GYG2: variants seen among roughly 807,000 people sequenced by gnomAD.
The protein encoded by GYG2 is glycogenin-2.
GYG2 carries 29 observed loss-of-function variants against 29.4 expected under a neutral mutation model. The observed-to-expected ratio is 0.99, with a 90% CI of 0.74 to 1.35. GYG2 has a LOEUF of 1.35. Among genes scored for constraint, GYG2 ranks in the 40% most tolerant of loss-of-function variants. The pLI is 0.00. For synonymous variants in GYG2, 167 were observed against 172.3 expected, an observed-to-expected ratio of 0.97 and a Z score of 0.24; for missense variants, 370 against 385.7, an observed-to-expected ratio of 0.96 and a Z score of 0.34.
At position 2,878,092 on chromosome X, in the gene GYG2, T is replaced by C. The variant is rs2088640174; in HGVS notation, c.1251+785T>C. On this transcript the variant is annotated intron_variant, in intron 10 of 10. Transcript: ENST00000398806. ...TGTTGGTTGAGGTCCAGGTTTCTTATAAACATGTGAATGTATCCCTTCAGC... is the reference window on the plus strand; with the variant it reads ...TGTTGGTTGAGGTCCAGGTTTCTTACAAACATGTGAATGTATCCCTTCAGC... The C allele has an allele frequency of 9.3e-6, 7 of 749,749 alleles. No individual in the cohort carries two copies. The African/African-American group carries it at 1.1e-4, about 12-fold the overall frequency. The allele number at this position is 749,749 out of a possible 1,213,427, so 61.8% of individuals were successfully genotyped here. A position where few individuals can be genotyped will look rare whatever the true frequency, so the allele number is the denominator to read the frequency against.
chrX:2,874,097 A>AAAAT (rs200188233), intron 8 of GYG2, among the ~76,000 whole-genome samples: 3 of 109,986 alleles, frequency 2.7e-5, no homozygotes, highest in Admixed American at 9.7e-5. Context: ...AAAATAAAAT[A>AAAAT]AAATAAATAA....
intron 8 of GYG2, among the ~76,000 whole-genome samples, chrX:2,869,178 G>C (rs1220016744): frequency 8.9e-6 from 1 of 112,211 alleles, no homozygotes; most frequent in Non-Finnish European, 1.9e-5. Context: ...TTTTTCTCTT[G>C]TTATTATTCC....
Position 2,881,358 on chromosome X carries a change from C to A in GYG2, c.*145C>A. On this transcript the variant is annotated 3_prime_UTR_variant, in exon 11 of 11. Coordinates refer to ENST00000398806, the MANE Select transcript of GYG2 (RefSeq NM_001079855.2). ...ATGCTTAATCCATTTGAGTGCCTCA[C>A]ACAAAAAACGTAGAGTATAGAAATC... is the stretch of plus-strand genomic sequence containing the variant. 1 of 494,449 alleles carries A rather than the reference C, an allele frequency of 2.0e-6. No individual in the cohort carries two copies. The highest frequency in any genetic ancestry group is 3.2e-6 in the Non-Finnish European group (1 of 310,732). 40.7% of individuals were successfully genotyped at this position (494,449 alleles called of 1,213,427 possible).
At chrX:2,877,436 T>C (rs1481693718) in intron 10 of GYG2, 129 bp downstream of exon 10, 46 of 1,093,046 alleles carry the variant, frequency 4.2e-5, no homozygotes, top group Non-Finnish European at 5.4e-5. Context: ...AGAATCGGCT[T>C]CCCTCTTCCC....
chrX:2,860,076 G>T lies in GYG2; in HGVS notation c.837+11G>T, dbSNP rs1314866757. ...TCTCCTGGTCACACAGTAAGTGGGGGATTCCCTTAAAACCCGTAGCTGAGG... is the reference window on the plus strand; with the variant it reads ...TCTCCTGGTCACACAGTAAGTGGGGTATTCCCTTAAAACCCGTAGCTGAGG... On this transcript the variant is annotated intron_variant, in intron 7 of 10. Coordinates refer to ENST00000398806, the MANE Select transcript of GYG2 (RefSeq NM_001079855.2). 1 of 1,096,892 alleles carries T rather than the reference G, an allele frequency of 9.1e-7. No homozygotes were observed. Among genetic ancestry groups the T allele is most frequent in the African/African-American group, 1.8e-5 (1 of 55,444 alleles). The allele number at this position is 1,096,892 out of a possible 1,213,427, so 90.4% of individuals were successfully genotyped here. A position where few individuals can be genotyped will look rare whatever the true frequency, so the allele number is the denominator to read the frequency against.
intron 3 of GYG2, 90 bp downstream of exon 3, chrX:2,843,444 G>T: frequency 1.4e-6 from 1 of 701,879 alleles, no homozygotes; most frequent in Non-Finnish European, 2.1e-6. Context: ...TTATTCTGAC[G>T]ACTGACTGCC....
At chrX:2,860,772 C>T (rs1285521921) in intron 7 of GYG2, among the ~76,000 whole-genome samples, 7 of 109,635 alleles carry the variant, frequency 6.4e-5, no homozygotes, top group Non-Finnish European at 1.3e-4. Context: ...CTCTGTTACC[C>T]AGGCTGGAGT....
In GYG2 at chrX:2,855,008, GA is replaced by G; in HGVS notation, c.341del (p.Asp114ValfsTer56). On this transcript the variant is annotated frameshift_variant, in exon 5 of 11. Coordinates refer to ENST00000398806, the MANE Select transcript of GYG2 (RefSeq NM_001079855.2). LOFTEE classifies it high-confidence loss of function. Reference protein sequence around the residue: ...DADTLVLSNVDELFDRGEFSA... With the variant: ...DADTLVLSNVXELFDRGEFSA... ...GCTTCACCAGGTGCTGTCCAATGTC[GA>G]TGAGCTGTTTGACAGGGGAGAGTTT... The G allele has an allele frequency of 5.0e-6, 6 of 1,211,264 alleles. No individual in the cohort carries two copies. In the Middle Eastern group the frequency reaches 6.9e-4, roughly 139 times the overall value.
At chrX:2,850,833 G>A (rs963034224) in intron 3 of GYG2, among the ~76,000 whole-genome samples, 3 of 109,342 alleles carry the variant, frequency 2.7e-5, no homozygotes, top group Non-Finnish European at 5.7e-5. Context: ...ATCTCCCTTC[G>A]CTGACTCTCT....
intron 3 of GYG2, among the ~76,000 whole-genome samples, chrX:2,849,412 G>C: frequency 9.0e-6 from 1 of 111,601 alleles, no homozygotes; most frequent in Middle Eastern, 4.7e-3. Context: ...AAAGGTCCGA[G>C]AGCTTCAATA....
At chrX:2,876,813 G>T (rs1162575403) in intron 9 of GYG2, among the ~76,000 whole-genome samples, 1 of 110,004 alleles carries the variant, frequency 9.1e-6, no homozygotes, top group Non-Finnish European at 1.9e-5. Flanking sequence ...GCTGGGCGTG[G>T]TGGTGGGCGC....
chrX:2,856,474 C>G, intron 5 of GYG2, 24 bp from the exon 6 acceptor site: 1 of 1,203,832 alleles, frequency 8.3e-7, no homozygotes. Flanking sequence ...TGCTAACCTG[C>G]TTTTGTGTTT....
In GYG2 at chrX:2,830,142, G is replaced by C. The variant is rs1206950860; in HGVS notation, c.-47G>C. 3 of 1,193,662 alleles carry C rather than the reference G, an allele frequency of 2.5e-6. No individual in the cohort carries two copies. Among genetic ancestry groups the C allele is most frequent in the Non-Finnish European group, 3.4e-6 (3 of 880,200 alleles). ...CGAGGAAGTCCACCCACTGCTCCCG[G>C]GCGCAGGTCTGCAGGTCCGCGCCCA... On this transcript the variant is annotated 5_prime_UTR_variant, in exon 2 of 11. Transcript: ENST00000398806.
At chrX:2,853,443 G>A (rs2087912015) in intron 3 of GYG2, 1 of 111,432 alleles carries the variant, frequency 9.0e-6, no homozygotes, top group South Asian at 3.8e-4. Context: ...CTGACCTCAA[G>A]TGATCCGGCT....
intron 8 of GYG2, among the ~76,000 whole-genome samples, chrX:2,873,179 C>A (rs185849579): frequency 0.012 from 1,351 of 111,575 alleles, 21 homozygotes; most frequent in African/African-American, 0.041. Context: ...CACTCAGCAG[C>A]CAGCCATGAG....
intron 10 of GYG2, among the ~76,000 whole-genome samples, chrX:2,879,754 T>C (rs5982604): frequency 0.24 from 27,097 of 111,181 alleles, 2,578 homozygotes; most frequent in Non-Finnish European, 0.29. Context: ...AGATAAATGA[T>C]AGAGTATAGA....
At chrX:2,867,091 G>A (rs1029656271) in intron 8 of GYG2, among the ~76,000 whole-genome samples, 2 of 111,961 alleles carry the variant, frequency 1.8e-5, no homozygotes, top group African/African-American at 6.5e-5. Flanking sequence ...GGGGACAGTA[G>A]GTGGCCCTTC....
chrX:2,843,467 C>A, intron 3 of GYG2, 113 bp downstream of exon 3: 1 of 568,180 alleles, frequency 1.8e-6, no homozygotes. Flanking sequence ...TCTTCATAGG[C>A]CTGGATGGCC....
rs1187926579 is a variant in GYG2 at position 2,882,680 on chromosome X, A to C, written c.*1467A>C. 9.1e-6 allele frequency: 1 copy of C among 110,391 alleles called. No individual in the cohort carries two copies. The highest frequency in any genetic ancestry group is 1.9e-5 in the Non-Finnish European group (1 of 52,864). 9.1% of individuals were successfully genotyped at this position (110,391 alleles called of 1,213,427 possible). On this transcript the variant is annotated 3_prime_UTR_variant, in exon 11 of 11. Transcript: ENST00000398806. ...CAGGGAAACAATGTCAGCTTCTCTG[A>C]GGACCAGAATTCATGTTCACGGGCA...
Sources: gnomAD v4.1 joint callset for allele counts (sites outside exome capture counted in the v4.1 genomes callset) on GRCh38, gnomAD v4.1.1 for gene constraint, MANE v1.5 for transcripts, NCBI Gene and HGNC (gene_info 2026-07-23, HGNC 2026-07-21) for gene names.